XPO6: variants seen among roughly 807,000 people sequenced by gnomAD.
XPO6 encodes the protein exportin-6.
In XPO6, 3 loss-of-function variants were observed where a neutral mutation model predicts 130.0. The ratio of observed to expected loss-of-function variants is 0.02; its 90% CI spans 0.01 to 0.06. The LOEUF is 0.06. Ranked by LOEUF, XPO6 falls within the 10% of genes least tolerant of loss-of-function variation. The pLI, the probability that XPO6 is intolerant of heterozygous loss-of-function variation, is 1.00. For missense variants in XPO6, 970 were observed against 1,393.0 expected, an observed-to-expected ratio of 0.70 and a Z score of 4.83; for synonymous variants, 524 against 548.9, an observed-to-expected ratio of 0.95 and a Z score of 0.63.
chr16:28,135,349 A>G (rs779225338), intron 9 of XPO6, 25 bp from the exon 10 acceptor site: 6 of 1,598,638 alleles, frequency 3.8e-6, no homozygotes, highest in Non-Finnish European at 5.1e-6. Context: ...GAAATTCAAC[A>G]TTGAAAGGAG....
intron 8 of XPO6, among the ~76,000 whole-genome samples, chr16:28,147,845 G>A (rs1251186500): frequency 6.6e-6 from 1 of 152,204 alleles, no homozygotes; most frequent in East Asian, 1.9e-4. Context: ...TACTCGGGAG[G>A]CTTAACAGGA....
intron 14 of XPO6, among the ~76,000 whole-genome samples, chr16:28,120,302 C>T (rs2087201370): frequency 6.6e-6 from 1 of 152,090 alleles, no homozygotes; most frequent in Admixed American, 6.5e-5. Flanking sequence ...CTGTTTTTCC[C>T]ATTTTCTATA....
chr16:28,110,860 G>A lies in XPO6; in HGVS notation c.2341+957C>T, dbSNP rs554829078. ...ATACTGGCATAGCCAGAGACTTGAC[G>A]ATGGATATAGAATCACCAAGGCAAG... On this transcript the variant is annotated intron_variant, in intron 17 of 23. Coordinates refer to ENST00000304658, the MANE Select transcript of XPO6 (RefSeq NM_015171.4). Among the ~76,000 whole-genome samples, 21 of 152,356 alleles carry A rather than the reference G, an allele frequency of 1.4e-4. No homozygotes were observed. In the South Asian group the frequency reaches 1.9e-3, roughly 14 times the overall value.
intron 12 of XPO6, among the ~76,000 whole-genome samples, chr16:28,128,445 C>A (rs1325204497): frequency 6.6e-6 from 1 of 152,190 alleles, no homozygotes; most frequent in East Asian, 1.9e-4. Flanking sequence ...AGGCTCTACC[C>A]TGACCACCAG....
intron 13 of XPO6, among the ~76,000 whole-genome samples, chr16:28,122,725 T>C (rs1029888909): frequency 6.6e-6 from 1 of 152,076 alleles, no homozygotes; most frequent in Non-Finnish European, 1.5e-5. Flanking sequence ...GATAAAACCA[T>C]CTTAGCTTTT....
chr16:28,132,887 C>T lies in XPO6; in HGVS notation c.1537-484G>A, dbSNP rs990550521. On this transcript the variant is annotated intron_variant, in intron 11 of 23. Transcript: ENST00000304658. The surrounding 1 kb of genome is among the most constrained non-coding windows in gnomAD (Gnocchi z 4.0). ...GAAGTCAGTTCCCTGGCTCAAGTAG[C>T]GGTCAGAACGTCATAACCGGAGCTG... is the stretch of plus-strand genomic sequence containing the variant. 7.2e-5 allele frequency among the ~76,000 whole-genome samples: 11 copies of T among 152,168 alleles called. No homozygotes were observed. The highest frequency in any genetic ancestry group is 2.1e-4 in the South Asian group (1 of 4,822).
intron 9 of XPO6, among the ~76,000 whole-genome samples, chr16:28,140,058 C>G (rs141318417): frequency 4.0e-5 from 6 of 151,882 alleles, no homozygotes; most frequent in African/African-American, 1.2e-4. Flanking sequence ...GTGGCAAAAC[C>G]CTGTCTCTAC....
rs115118938 is a variant in XPO6 at position 28,149,192 on chromosome 16, G to A, written c.1225-2989C>T. On this transcript the variant is annotated intron_variant, in intron 8 of 23. Coordinates refer to ENST00000304658, the MANE Select transcript of XPO6 (RefSeq NM_015171.4). ...TGAAAAACACAAGAACAAGAAGGAA[G>A]TGGTGAGGACGCACTAAGCTTAGGA... Among the ~76,000 whole-genome samples, 1,501 of 152,036 alleles carry A rather than the reference G, an allele frequency of 9.9e-3. 30 individuals carry two copies. Among genetic ancestry groups the A allele is most frequent in the African/African-American group, 0.035 (1,430 of 41,448 alleles).
At chr16:28,207,704 C>T (rs549717066) in intron 1 of XPO6, among the ~76,000 whole-genome samples, 18 of 152,272 alleles carry the variant, frequency 1.2e-4, no homozygotes, top group Admixed American at 9.8e-4. Context: ...GCACAGGCTC[C>T]GGAGTACAGC....
intron 1 of XPO6, among the ~76,000 whole-genome samples, chr16:28,191,352 A>T (rs1275774991): frequency 1.3e-5 from 2 of 152,240 alleles, no homozygotes; most frequent in African/African-American, 2.4e-5. Context: ...TAAGTAATAC[A>T]GCCAAGAGTA....
intron 23 of XPO6, among the ~76,000 whole-genome samples, chr16:28,099,849 CTTTTA>C (rs1196072247): frequency 1.3e-5 from 2 of 152,154 alleles, no homozygotes; most frequent in Non-Finnish European, 2.9e-5. Flanking sequence ...GGTGGTGATT[CTTTTA>C]TTTTACCCTC....
chr16:28,103,341 G>A (rs913278187), intron 21 of XPO6, among the ~76,000 whole-genome samples: 2 of 152,258 alleles, frequency 1.3e-5, no homozygotes, highest in East Asian at 1.9e-4. Context: ...GCTTATTGCC[G>A]AGTGCCAGTC....
At chr16:28,209,332 T>TA (rs1271126362) in intron 1 of XPO6, among the ~76,000 whole-genome samples, 1 of 152,074 alleles carries the variant, frequency 6.6e-6, no homozygotes, top group East Asian at 1.9e-4. Context: ...TTACTACAAT[T>TA]AAAAAACAAA....
chr16:28,189,408 C>T (rs986248735), intron 1 of XPO6, among the ~76,000 whole-genome samples: 1 of 152,086 alleles, frequency 6.6e-6, no homozygotes, highest in African/African-American at 2.4e-5. Flanking sequence ...CTGGATGACT[C>T]GCTCAAAGAC....
chr16:28,107,661 G>C lies in XPO6; in HGVS notation c.2358C>G (p.His786Gln). Residue 786 changes from histidine to glutamine, a missense_variant, in exon 18 of 24, where the codon CAC (histidine) becomes CAG (glutamine). His to Gln is a conservative substitution (Grantham distance 24). Transcript: ENST00000304658. Reference protein sequence around the residue: ...MPLDDTKLIIHQTLSVLEDIV... With the variant: ...MPLDDTKLIIQQTLSVLEDIV... ...TATCTTCTAAGACGCTGAGTGTCTG[G>C]TGGATAATCAGTTTGGCTGCAAATC... 3 of 1,613,882 alleles carry C rather than the reference G, an allele frequency of 1.9e-6. No homozygotes were observed. The highest frequency in any genetic ancestry group is 2.2e-5 in the East Asian group (1 of 44,892).
At chr16:28,117,008 T>A in intron 15 of XPO6, 1 of 288,894 alleles carries the variant, frequency 3.5e-6, no homozygotes, top group Non-Finnish European at 6.8e-6. Context: ...ACTGCCCAAC[T>A]GTGCTTACCG....
In XPO6 at chr16:28,186,374, C is replaced by T. The variant is rs9923870; in HGVS notation, c.4-5343G>A. Among the ~76,000 whole-genome samples the T allele has an allele frequency of 3.9e-3, 319 of 81,306 alleles. 1 individual carries two copies. Among genetic ancestry groups the T allele is most frequent in the Middle Eastern group, 0.012 (1 of 84 alleles). The allele number at this position is 81,306 out of a possible 152,430, so 53.3% of individuals were successfully genotyped here. A position where few individuals can be genotyped will look rare whatever the true frequency, so the allele number is the denominator to read the frequency against. On this transcript the variant is annotated intron_variant, in intron 1 of 23. Transcript: ENST00000304658. ...TATAGATTTTTCTGCCCCAGTTATTCTTTTTTTTTTTTTTTTTGCTAAAGA... is the reference window on the plus strand; with the variant it reads ...TATAGATTTTTCTGCCCCAGTTATTTTTTTTTTTTTTTTTTTTGCTAAAGA...
chr16:28,159,969 T>C (rs2043246901), intron 6 of XPO6, among the ~76,000 whole-genome samples: 1 of 151,988 alleles, frequency 6.6e-6, no homozygotes, highest in Non-Finnish European at 1.5e-5. Context: ...GCAAATCACT[T>C]GAGGTCAGGA....
chr16:28,192,580 G>A (rs1185133266), intron 1 of XPO6, among the ~76,000 whole-genome samples: 1 of 152,182 alleles, frequency 6.6e-6, no homozygotes, highest in Non-Finnish European at 1.5e-5. Context: ...AAGCAGGGGA[G>A]AGAGTTCAAG....
Sources: allele counts gnomAD v4.1 joint callset (sites outside exome capture counted in the v4.1 genomes callset), GRCh38; gene constraint gnomAD v4.1.1; non-coding constraint Gnocchi (gnomAD v3.1); transcripts MANE v1.5; gene names NCBI Gene and HGNC (gene_info 2026-07-23, HGNC 2026-07-21).